RGS5: variants seen among roughly 807,000 people sequenced by gnomAD.
RGS5 encodes the protein regulator of G protein signaling 5, also known as regulator of G-protein signalling 5.
A neutral mutation model predicts 18.9 loss-of-function variants in RGS5; 20 were observed. That is an observed-to-expected ratio of 1.06 (90% CI 0.74 to 1.54). RGS5 has a LOEUF of 1.54. Ranked by LOEUF, RGS5 falls within the 40% of genes most tolerant of loss-of-function variation. The pLI, the probability that RGS5 is intolerant of heterozygous loss-of-function variation, is 0.00. For missense variants in RGS5, 201 were observed against 211.8 expected, an observed-to-expected ratio of 0.95 and a Z score of 0.32; for synonymous variants, 57 against 76.2, an observed-to-expected ratio of 0.75 and a Z score of 1.31.
At chr1:163,308,520 A>C (rs1649767019) in intron 1 of RGS5, 1 of 152,238 alleles carries the variant, frequency 6.6e-6, no homozygotes, top group South Asian at 2.1e-4. Flanking sequence ...AAGCCAAATA[A>C]ATTTAGTTTT....
intron 1 of RGS5, among the ~76,000 whole-genome samples, chr1:163,176,438 A>G (rs1214261029): frequency 6.6e-6 from 1 of 152,204 alleles, no homozygotes; most frequent in Non-Finnish European, 1.5e-5. Context: ...CCTGACCAAC[A>G]TGGTGAAACC....
intron 2 of RGS5, among the ~76,000 whole-genome samples, chr1:163,292,409 C>T (rs907078779): frequency 1.3e-5 from 2 of 152,170 alleles, no homozygotes; most frequent in Non-Finnish European, 2.9e-5. Context: ...TTTCTTTATC[C>T]AGTCTATCAT....
At chr1:163,293,381 A>G (rs1395014258) in intron 2 of RGS5, among the ~76,000 whole-genome samples, 1 of 152,176 alleles carries the variant, frequency 6.6e-6, no homozygotes, top group African/African-American at 2.4e-5. Context: ...TGGCAGGAGA[A>G]AGAGCGAGGG....
chr1:163,243,080 G>A (rs1647831328), intron 2 of RGS5, among the ~76,000 whole-genome samples: 1 of 152,154 alleles, frequency 6.6e-6, no homozygotes, highest in Non-Finnish European at 1.5e-5. Context: ...AGAAAATGTG[G>A]TGCATATACA....
chr1:163,308,869 A>G (rs1216852102), intron 1 of RGS5, among the ~76,000 whole-genome samples: 1 of 152,222 alleles, frequency 6.6e-6, no homozygotes, highest in African/African-American at 2.4e-5. Context: ...AGTGCATATA[A>G]AGAGTTATGT....
intron 2 of RGS5, among the ~76,000 whole-genome samples, chr1:163,166,410 A>C (rs894717419): frequency 6.6e-6 from 1 of 152,230 alleles, no homozygotes; most frequent in Non-Finnish European, 1.5e-5. Flanking sequence ...CCTCCAATCA[A>C]GAGAAGAATT....
At position 163,286,039 on chromosome 1, in the gene RGS5, T is replaced by TAG. The variant is rs1649136737; in HGVS notation, c.-281+20193_-281+20194insCT. On this transcript the variant is annotated intron_variant, in intron 2 of 5. Coordinates refer to the RGS5 transcript ENST00000618415. The stretch of plus-strand genomic sequence containing the variant: ...ACACATGCACACAGACACACCCCAC[T>TAG]ATATATATATATACAGTCAGTCCTC... Among the ~76,000 whole-genome samples, 5 of 148,342 alleles carry TAG rather than the reference T, an allele frequency of 3.4e-5. No individual in the cohort carries two copies. The South Asian group carries it at 1.1e-3, about 31-fold the overall frequency.
At chr1:163,178,566 C>T (rs1321674062) in intron 1 of RGS5, among the ~76,000 whole-genome samples, 1 of 152,090 alleles carries the variant, frequency 6.6e-6, no homozygotes, top group African/African-American at 2.4e-5. Flanking sequence ...CTACCCTTAA[C>T]CAAGACGATA....
intron 2 of RGS5, among the ~76,000 whole-genome samples, chr1:163,225,263 C>G (rs1647309162): frequency 6.6e-6 from 1 of 152,068 alleles, no homozygotes; most frequent in South Asian, 2.1e-4. Context: ...GAAGACTGTT[C>G]CCACTGTCAA....
intron 1 of RGS5, among the ~76,000 whole-genome samples, chr1:163,173,661 G>A (rs1571239403): frequency 6.6e-6 from 1 of 152,298 alleles, no homozygotes; most frequent in East Asian, 1.9e-4. Flanking sequence ...GGTGTTTCAA[G>A]GGTTACAGAG....
intron 2 of RGS5, chr1:163,259,871 G>GGAGGTACT (rs3830458): frequency 0.23 from 35,493 of 151,530 alleles, 5,462 homozygotes; most frequent in East Asian, 0.66. Context: ...AGGTGGAGAA[G>GGAGGTACT]GAGGTACTGA....
At chr1:163,305,501 T>C (rs1649672469) in intron 2 of RGS5, among the ~76,000 whole-genome samples, 1 of 152,176 alleles carries the variant, frequency 6.6e-6, no homozygotes, top group East Asian at 1.9e-4. Flanking sequence ...CTTCAGAAAC[T>C]ATTGGTCCTC....
intron 1 of RGS5, chr1:163,212,484 G>A (rs1660129588): frequency 6.6e-6 from 1 of 152,234 alleles, no homozygotes; most frequent in African/African-American, 2.4e-5. Flanking sequence ...CTAAGTACAT[G>A]GCTTGATTCT....
chr1:163,298,089 A>C (rs1649466927), intron 2 of RGS5, among the ~76,000 whole-genome samples: 1 of 149,452 alleles, frequency 6.7e-6, no homozygotes, highest in South Asian at 2.1e-4. Context: ...TTGATATAAC[A>C]AATATTTATT....
At chr1:163,268,751 A>T (rs771919425) in intron 2 of RGS5, among the ~76,000 whole-genome samples, 3 of 152,162 alleles carry the variant, frequency 2.0e-5, no homozygotes, top group Non-Finnish European at 2.9e-5. Flanking sequence ...AGAAAACACC[A>T]GTAAAGGCTC....
At chr1:163,276,657 C>T (rs1648864031) in intron 2 of RGS5, among the ~76,000 whole-genome samples, 1 of 152,146 alleles carries the variant, frequency 6.6e-6, no homozygotes, top group African/African-American at 2.4e-5. Flanking sequence ...TGACCTAGAA[C>T]ATTTAAATTG....
chr1:163,271,670 C>G (rs1319042344), intron 2 of RGS5, among the ~76,000 whole-genome samples: 1 of 152,180 alleles, frequency 6.6e-6, no homozygotes, highest in African/African-American at 2.4e-5. Flanking sequence ...TTTGGACACA[C>G]CACATGTTAA....
At chr1:163,277,316 C>G (rs1037073900) in intron 2 of RGS5, among the ~76,000 whole-genome samples, 1 of 152,180 alleles carries the variant, frequency 6.6e-6, no homozygotes, top group Non-Finnish European at 1.5e-5. Flanking sequence ...TGCATAAAAG[C>G]AAGCAGTGCC....
chr1:163,253,411 C>T (rs1648169800), intron 2 of RGS5, among the ~76,000 whole-genome samples: 1 of 151,786 alleles, frequency 6.6e-6, no homozygotes, highest in Admixed American at 6.6e-5. Context: ...CAGCTTCAAC[C>T]AATTTTCCTG....
Sources: gnomAD v4.1 joint callset for allele counts (sites outside exome capture counted in the v4.1 genomes callset) on GRCh38, gnomAD v4.1.1 for gene constraint, MANE v1.5 for transcripts, NCBI Gene and HGNC (gene_info 2026-07-23, HGNC 2026-07-21) for gene names.